Variants in TXNRD1 observed in about 807,000 individuals in gnomAD.
TXNRD1 encodes the protein thioredoxin reductase 1, also known as thioredoxin reductase 1, cytoplasmic.
A neutral mutation model predicts 80.3 loss-of-function variants in TXNRD1; 57 were observed. The ratio of observed to expected loss-of-function variants is 0.71; its 90% CI spans 0.57 to 0.89. TXNRD1 has a LOEUF of 0.89. Ranked by LOEUF, TXNRD1 falls within the 40% of genes least tolerant of loss-of-function variation. The pLI is 0.00. For missense variants in TXNRD1, 730 were observed against 803.0 expected (o/e 0.91, Z 1.10); for synonymous variants, 291 against 285.2 (o/e 1.02, Z -0.20).
chr12:104,220,070 C>G (rs7310815), intron 1 of TXNRD1, among the ~76,000 whole-genome samples: 28,037 of 152,030 alleles, frequency 0.18, 3,246 homozygotes, highest in East Asian at 0.57. Context: ...GTGTTTAGGC[C>G]AGCGTCAAAT....
At chr12:104,324,599 C>T (rs1050121269) in intron 10 of TXNRD1, among the ~76,000 whole-genome samples, 6 of 151,652 alleles carry the variant, frequency 4.0e-5, no homozygotes, top group African/African-American at 1.5e-4. Flanking sequence ...ATCCTCCCGC[C>T]TCGGCCTCCC....
chr12:104,346,017 A>T (rs927432928), intron 16 of TXNRD1: 1 of 1,286,336 alleles, frequency 7.8e-7, no homozygotes, highest in Admixed American at 2.3e-5. Flanking sequence ...TGACCCAAGC[A>T]GTTTTTTTCA....
intron 3 of TXNRD1, among the ~76,000 whole-genome samples, chr12:104,272,790 T>TAAA (rs34460613): frequency 7.7e-6 from 1 of 129,742 alleles, no homozygotes; most frequent in Non-Finnish European, 1.6e-5. Context: ...AGACTCCACC[T>TAAA]AAAAAAAAAA....
chr12:104,215,821 A>G lies in TXNRD1; in HGVS notation c.19A>G (p.Lys7Glu), dbSNP rs1396176765. The G allele has an allele frequency of 1.3e-6, 2 of 1,564,286 alleles. No homozygotes were observed. The highest frequency in any genetic ancestry group is 1.7e-6 in the Non-Finnish European group (2 of 1,155,098). MGCAEGKAVAAAAPTEL... is the reference protein window; with the variant it reads MGCAEGEAVAAAAPTEL... Reference sequence around the variant, plus strand: ...GTGCGACATGGGCTGCGCCGAGGGCAAGGCAGTGGCGGCGGCCGCCCCAAC... The same window carrying G: ...GTGCGACATGGGCTGCGCCGAGGGCGAGGCAGTGGCGGCGGCCGCCCCAAC... Residue 7 changes from lysine (K) to glutamate (E), a missense_variant, in exon 1 of 17, where the codon AAG (lysine) becomes GAG (glutamate). By Grantham distance (56) the Lys-to-Glu change is moderately conservative. Transcript: ENST00000525566.
chr12:104,304,306 T>G, intron 4 of TXNRD1: 3 of 1,614,076 alleles, frequency 1.9e-6, no homozygotes, highest in Non-Finnish European at 2.5e-6. Context: ...ACTTTCTGTT[T>G]CTGTTCGTGG....
chr12:104,222,853 A>AAAAC (rs542943844), intron 1 of TXNRD1, among the ~76,000 whole-genome samples: 1 of 152,246 alleles, frequency 6.6e-6, no homozygotes, highest in Non-Finnish European at 1.5e-5. Flanking sequence ...TCTGTCTCAA[A>AAAAC]AAACAAACAA....
intron 3 of TXNRD1, among the ~76,000 whole-genome samples, chr12:104,261,383 G>T (rs565872293): frequency 6.6e-6 from 1 of 152,162 alleles, no homozygotes; most frequent in East Asian, 1.9e-4. Context: ...GGCTGGTCTT[G>T]AACTCCTGAC....
At chr12:104,309,739 A>G (rs2035057932) in intron 4 of TXNRD1, 1 of 1,500,948 alleles carries the variant, frequency 6.7e-7, no homozygotes, top group African/African-American at 1.4e-5. Context: ...TATTATTACC[A>G]AATTGTTTTT....
chr12:104,270,767 T>C (rs2033634452), intron 3 of TXNRD1, among the ~76,000 whole-genome samples: 1 of 152,114 alleles, frequency 6.6e-6, no homozygotes, highest in Non-Finnish European at 1.5e-5. Flanking sequence ...AGCCACTTAA[T>C]GGTCAACATT....
intron 13 of TXNRD1, among the ~76,000 whole-genome samples, chr12:104,328,840 T>A (rs1593854749): frequency 6.6e-6 from 1 of 152,172 alleles, no homozygotes; most frequent in Non-Finnish European, 1.5e-5. Flanking sequence ...TTAAAATGAT[T>A]TTTTAAAAGT....
At chr12:104,287,018 C>T (rs1198225304) in intron 3 of TXNRD1, 13 of 1,358,784 alleles carry the variant, frequency 9.6e-6, no homozygotes, top group Admixed American at 3.1e-5. Context: ...AACCCTTTCA[C>T]CTCAGTTTTC....
At position 104,225,523 on chromosome 12, in the gene TXNRD1, G is replaced by A. The variant is rs552591496; in HGVS notation, c.91+9630G>A. ...CAGATGGAGATAACTGAATCATGGG[G>A]GTGGTTTCTGCCATGCCTGTTCTCA... On this transcript the variant is annotated intron_variant, in intron 1 of 16. Coordinates refer to ENST00000525566, the MANE Select transcript of TXNRD1 (RefSeq NM_001093771.3). Among the ~76,000 whole-genome samples the A allele has an allele frequency of 3.3e-5, 5 of 152,254 alleles. No individual in the cohort carries two copies. In the East Asian group the frequency reaches 9.6e-4, roughly 29 times the overall value.
intron 3 of TXNRD1, among the ~76,000 whole-genome samples, chr12:104,275,485 G>A (rs2033738131): frequency 6.6e-6 from 1 of 151,918 alleles, no homozygotes; most frequent in African/African-American, 2.4e-5. Flanking sequence ...CCAGGTTCAA[G>A]CGATTCTCCT....
chr12:104,340,462 G>C (rs551767399), intron 16 of TXNRD1, among the ~76,000 whole-genome samples: 1 of 152,258 alleles, frequency 6.6e-6, no homozygotes, highest in South Asian at 2.1e-4. Context: ...CTCCCTCTCA[G>C]TTCTGGAGGC....
At chr12:104,329,943 C>T (rs1593856932) in intron 13 of TXNRD1, among the ~76,000 whole-genome samples, 1 of 152,284 alleles carries the variant, frequency 6.6e-6, no homozygotes, top group East Asian at 1.9e-4. Flanking sequence ...TCCCTTCCCG[C>T]AGGGATCACA....
At chr12:104,344,200 C>T (rs1174338490) in intron 16 of TXNRD1, among the ~76,000 whole-genome samples, 1 of 152,092 alleles carries the variant, frequency 6.6e-6, no homozygotes, top group Non-Finnish European at 1.5e-5. Flanking sequence ...TTAATAGATG[C>T]CGAATAGCTG....
intron 6 of TXNRD1, among the ~76,000 whole-genome samples, chr12:104,314,213 G>A (rs1489735025): frequency 6.6e-6 from 1 of 152,184 alleles, no homozygotes; most frequent in South Asian, 2.1e-4. Flanking sequence ...ACTAATCAAA[G>A]CATATAATTT....
chr12:104,232,775 A>T (rs1307553856), intron 1 of TXNRD1, among the ~76,000 whole-genome samples: 1 of 152,138 alleles, frequency 6.6e-6, no homozygotes, highest in African/African-American at 2.4e-5. Flanking sequence ...TCGAATATGA[A>T]TTTTCTCAGC....
At chr12:104,235,976 AG>A (rs2032729737) in intron 1 of TXNRD1, among the ~76,000 whole-genome samples, 1 of 152,188 alleles carries the variant, frequency 6.6e-6, no homozygotes, top group Admixed American at 6.6e-5. Flanking sequence ...TGATCCATCA[AG>A]GGCAGGGTTT....
Sources: gnomAD v4.1 joint callset for allele counts (sites outside exome capture counted in the v4.1 genomes callset) on GRCh38, gnomAD v4.1.1 for gene constraint, MANE v1.5 for transcripts, NCBI Gene and HGNC (gene_info 2026-07-23, HGNC 2026-07-21) for gene names.